ZNF664: variants seen among roughly 807,000 people sequenced by gnomAD.
ZNF664 encodes the protein zinc finger protein 664.
ZNF664 carries 10 observed loss-of-function variants against 18.2 expected under a neutral mutation model. The ratio of observed to expected loss-of-function variants is 0.55; its 90% confidence interval spans 0.34 to 0.93. The LOEUF is 0.93. ZNF664 is among the 40% of genes least tolerant of loss of function. The pLI is 0.02. For missense variants in ZNF664, 193 were observed against 319.0 expected, an observed-to-expected ratio of 0.61 and a Z score of 3.01; for synonymous variants, 119 against 104.2, an observed-to-expected ratio of 1.14 and a Z score of -0.86.
chr12:124,013,845 T>A lies in ZNF664; in HGVS notation c.*915T>A, dbSNP rs1305830249. 1 of 167,126 alleles carries A rather than the reference T, an allele frequency of 6.0e-6. No homozygotes were observed. The highest frequency in any genetic ancestry group is 6.5e-5 in the Admixed American group (1 of 15,288). The allele number at this position is 167,126 out of a possible 1,614,324, so 10.4% of individuals were successfully genotyped here. A position where few individuals can be genotyped will look rare whatever the true frequency, so the allele number is the denominator to read the frequency against. ...GTAGGAGGAGTCACTAATGTTTCAA[T>A]CTCTATTTCTGTAATCTTGGGCAAT... On this transcript the variant is annotated 3_prime_UTR_variant, in exon 5 of 5. Coordinates refer to ENST00000337815, the MANE Select transcript of ZNF664 (RefSeq NM_152437.3).
In ZNF664 at chr12:124,006,354, T is replaced by G. The variant is rs1256029212; in HGVS notation, c.-660-5027T>G. On this transcript the variant is annotated intron_variant, in intron 3 of 4. Transcript: ENST00000337815. Reference sequence around the variant, plus strand: ...GGGTTCGCCTCTTCTGCCGCTAGAGTGAGGAACTTTTGGTCTGAACAGCCT... The same window carrying G: ...GGGTTCGCCTCTTCTGCCGCTAGAGGGAGGAACTTTTGGTCTGAACAGCCT... The G allele has an allele frequency of 2.0e-5, 3 of 152,152 alleles. No homozygotes were observed. In the East Asian group the frequency reaches 5.8e-4, roughly 29 times the overall value. The allele number at this position is 152,152 out of a possible 1,614,324, so 9.4% of individuals were successfully genotyped here. A position where few individuals can be genotyped will look rare whatever the true frequency, so the allele number is the denominator to read the frequency against.
At chr12:123,980,254 T>C (rs1056960775) in intron 2 of ZNF664, among the ~76,000 whole-genome samples, 4 of 152,202 alleles carry the variant, frequency 2.6e-5, no homozygotes, top group African/African-American at 9.7e-5. Context: ...TTGCATTGCT[T>C]CAGTTTTTTT....
At position 124,013,010 on chromosome 12, in the gene ZNF664, C is replaced by A; in HGVS notation, c.*80C>A. On this transcript the variant is annotated 3_prime_UTR_variant, in exon 5 of 5. Transcript: ENST00000337815. ...AACCCTGTATATACCTACATTGACC[C>A]AAGAAATATTTACGCAATCCCTAGC... 1.4e-6 allele frequency: 2 copies of A among 1,478,528 alleles called. No homozygotes were observed. Among genetic ancestry groups the A allele is most frequent in the Non-Finnish European group, 1.8e-6 (2 of 1,104,512 alleles). 91.6% of individuals were successfully genotyped at this position (1,478,528 alleles called of 1,614,324 possible).
chr12:124,012,680 C>T lies in ZNF664; in HGVS notation c.536C>T (p.Ala179Val), dbSNP rs138031514. Residue 179 changes from alanine (A) to valine (V), a missense_variant, in exon 5 of 5, where the codon GCG (alanine) becomes GTG (valine). Transcript: ENST00000337815. ...KPYKCYECGKAFSQSSSLCIH... is the reference protein window; with the variant it reads ...KPYKCYECGKVFSQSSSLCIH... ...TATAAATGTTATGAGTGTGGGAAGG[C>T]GTTCAGTCAGAGTTCGAGCCTCTGC... 13 of 1,613,972 alleles carry T rather than the reference C, an allele frequency of 8.1e-6. No individual in the cohort carries two copies. The highest frequency in any genetic ancestry group is 1.7e-4 in the Middle Eastern group (1 of 6,060).
intron 3 of ZNF664, among the ~76,000 whole-genome samples, chr12:124,005,483 ATGTGTG>A (rs202223166): frequency 0.012 from 1,723 of 142,916 alleles, 19 homozygotes; most frequent in Middle Eastern, 0.028. Flanking sequence ...AATTTATAGA[ATGTGTG>A]TGTGTGTGTG....
At chr12:123,985,191 A>G (rs952632) in intron 2 of ZNF664, among the ~76,000 whole-genome samples, 49,240 of 152,018 alleles carry the variant, frequency 0.32, 8,168 homozygotes, top group Middle Eastern at 0.37. Context: ...AACACATGTC[A>G]CTTATCTGTG....
intron 3 of ZNF664, among the ~76,000 whole-genome samples, chr12:124,008,197 CT>C (rs1050747340): frequency 1.3e-5 from 2 of 152,140 alleles, no homozygotes; most frequent in Non-Finnish European, 2.9e-5. Flanking sequence ...AGTGGCTCAC[CT>C]TTTGATATTT....
chr12:124,001,679 A>T (rs527902206), intron 3 of ZNF664, among the ~76,000 whole-genome samples: 1 of 152,230 alleles, frequency 6.6e-6, no homozygotes, highest in African/African-American at 2.4e-5. Flanking sequence ...AGCACTGTGC[A>T]GGGCTGCTTT....
At chr12:123,990,885 C>A (rs1014716538) in intron 3 of ZNF664, among the ~76,000 whole-genome samples, 22 of 152,174 alleles carry the variant, frequency 1.4e-4, no homozygotes, top group Non-Finnish European at 7.3e-5. Flanking sequence ...CTGAGGAAAT[C>A]GTATTTTTTT....
intron 3 of ZNF664, among the ~76,000 whole-genome samples, chr12:124,000,187 C>T (rs891612454): frequency 3.3e-5 from 5 of 152,176 alleles, no homozygotes; most frequent in Non-Finnish European, 7.4e-5. Context: ...AGTCTCCCTA[C>T]GTTTCTTGGG....
chr12:123,995,791 TA>T (rs1444385036), intron 3 of ZNF664, among the ~76,000 whole-genome samples: 1 of 152,200 alleles, frequency 6.6e-6, no homozygotes, highest in Non-Finnish European at 1.5e-5. Flanking sequence ...CTCTAATTTT[TA>T]ATGTCATCTT....
In ZNF664 at chr12:124,014,725, A is replaced by T. The variant is rs561257601; in HGVS notation, c.*1795A>T. ...TGATTTTTCTTTCCATATTTGAATT[A>T]ATTTTTTCTGTTTGACTGGAAGGGG... On this transcript the variant is annotated 3_prime_UTR_variant, in exon 5 of 5. Coordinates refer to ENST00000337815, the MANE Select transcript of ZNF664 (RefSeq NM_152437.3). 2.6e-4 allele frequency: 44 copies of T among 167,124 alleles called. 1 individual carries two copies. The highest frequency in any genetic ancestry group is 1.0e-3 in the African/African-American group (42 of 41,564). The allele number at this position is 167,124 out of a possible 1,614,324, so 10.4% of individuals were successfully genotyped here. A position where few individuals can be genotyped will look rare whatever the true frequency, so the allele number is the denominator to read the frequency against.
At chr12:123,988,476 A>C (rs1302395928) in intron 3 of ZNF664, among the ~76,000 whole-genome samples, 1 of 151,990 alleles carries the variant, frequency 6.6e-6, no homozygotes, top group Non-Finnish European at 1.5e-5. Flanking sequence ...GAGGCCTTAC[A>C]TGGATTCTAG....
chr12:123,978,443 A>G (rs1325563328), intron 2 of ZNF664, among the ~76,000 whole-genome samples: 7 of 152,242 alleles, frequency 4.6e-5, no homozygotes, highest in South Asian at 2.1e-4. Context: ...ACTAGAAAAC[A>G]TTTACAAGTA....
At chr12:123,979,163 T>G (rs1038993481) in intron 2 of ZNF664, among the ~76,000 whole-genome samples, 5 of 152,202 alleles carry the variant, frequency 3.3e-5, no homozygotes, top group Non-Finnish European at 5.9e-5. Flanking sequence ...TAATCACAGT[T>G]GATAATTCTG....
At chr12:124,008,686 T>C (rs969302845) in intron 3 of ZNF664, among the ~76,000 whole-genome samples, 2 of 151,948 alleles carry the variant, frequency 1.3e-5, no homozygotes, top group African/African-American at 4.8e-5. Context: ...TGCCTGCCTG[T>C]CTGTCTCTTT....
intron 2 of ZNF664, among the ~76,000 whole-genome samples, chr12:123,985,025 C>G (rs1566197008): frequency 6.6e-6 from 1 of 151,684 alleles, no homozygotes; most frequent in Admixed American, 6.6e-5. Flanking sequence ...GAGGAACGGC[C>G]CCAAGATTTG....
intron 2 of ZNF664, among the ~76,000 whole-genome samples, chr12:123,978,647 A>T (rs2138320532): frequency 6.6e-6 from 1 of 152,332 alleles, no homozygotes; most frequent in South Asian, 2.1e-4. Context: ...TCTGGACACT[A>T]GATAAATTGC....
At chr12:123,987,098 G>A (rs1289521960) in intron 2 of ZNF664, among the ~76,000 whole-genome samples, 4 of 152,162 alleles carry the variant, frequency 2.6e-5, no homozygotes, top group Admixed American at 1.3e-4. Flanking sequence ...ACTTCAGATA[G>A]CTATTAGCAA....
Sources: gnomAD v4.1 joint callset for allele counts (sites outside exome capture counted in the v4.1 genomes callset) on GRCh38, gnomAD v4.1.1 for gene constraint, MANE v1.5 for transcripts, NCBI Gene and HGNC (gene_info 2026-07-23, HGNC 2026-07-21) for gene names.